CTNNA2: variants seen among roughly 807,000 people sequenced by gnomAD.
CTNNA2 encodes catenin alpha 2, also known as catenin alpha-2.
In CTNNA2, 42 loss-of-function variants were observed where a neutral mutation model predicts 101.0. The ratio of observed to expected loss-of-function variants is 0.42; its 90% CI spans 0.32 to 0.54. The LOEUF (loss-of-function observed/expected upper bound fraction) is 0.54, where lower values mean the gene tolerates loss of function less well. Ranked by LOEUF, CTNNA2 falls within the 20% of genes least tolerant of loss-of-function variation. The pLI, the probability that CTNNA2 is intolerant of heterozygous loss-of-function variation, is 0.14. For missense variants in CTNNA2, 871 were observed against 1,223.1 expected, an observed-to-expected ratio of 0.71 and a Z score of 4.29; for synonymous variants, 450 against 456.4, an observed-to-expected ratio of 0.99 and a Z score of 0.18.
At chr2:80,646,113 G>A (rs1674062161) in intron 18 of CTNNA2, among the ~76,000 whole-genome samples, 1 of 152,086 alleles carries the variant, frequency 6.6e-6, no homozygotes, top group Admixed American at 6.6e-5. Context: ...TTGTTAATAA[G>A]AAATGATACG....
rs539064758 is a variant in CTNNA2 at position 79,707,530 on chromosome 2, T to C, written c.103-36857T>C. 1.2e-4 allele frequency among the ~76,000 whole-genome samples: 18 copies of C among 152,358 alleles called. No individual in the cohort carries two copies. The South Asian group carries it at 3.7e-3, about 32-fold the overall frequency. On this transcript the variant is annotated intron_variant, in intron 2 of 18. Coordinates refer to ENST00000402739, the MANE Select transcript of CTNNA2 (RefSeq NM_001282597.3). ...CTGTGTATTTCCTGCATTGGCATACTTTTTACTTTAACTAAGCCCTTTATT... is the reference window on the plus strand; with the variant it reads ...CTGTGTATTTCCTGCATTGGCATACCTTTTACTTTAACTAAGCCCTTTATT...
At chr2:80,064,599 C>A (rs76472910) in intron 7 of CTNNA2, among the ~76,000 whole-genome samples, 18 of 152,124 alleles carry the variant, frequency 1.2e-4, no homozygotes, top group Admixed American at 9.8e-4. Flanking sequence ...TTGGCCTAGT[C>A]GCATGACTGG....
At chr2:79,366,293 T>C (rs1394166049) in intron 3 of CTNNA2, among the ~76,000 whole-genome samples, 1 of 152,188 alleles carries the variant, frequency 6.6e-6, no homozygotes, top group Non-Finnish European at 1.5e-5. Context: ...CATTCAGAAT[T>C]AAATTAATTC....
chr2:79,303,023 T>A (rs1676148952), intron 2 of CTNNA2, among the ~76,000 whole-genome samples: 1 of 152,212 alleles, frequency 6.6e-6, no homozygotes, highest in Non-Finnish European at 1.5e-5. Flanking sequence ...TAGGACCAAA[T>A]GAATCTGTGC....
chr2:79,906,321 C>T (rs1218870906), intron 6 of CTNNA2, among the ~76,000 whole-genome samples: 2 of 152,074 alleles, frequency 1.3e-5, no homozygotes, highest in African/African-American at 4.8e-5. Context: ...CAGACACACA[C>T]CCACATGCAA....
intron 7 of CTNNA2, among the ~76,000 whole-genome samples, chr2:80,120,767 C>T (rs1293875463): frequency 1.3e-5 from 2 of 152,112 alleles, no homozygotes; most frequent in Non-Finnish European, 2.9e-5. Flanking sequence ...CTGAGGTGCT[C>T]TTAAGGGCGT....
At chr2:79,721,178 G>A (rs565212837) in intron 2 of CTNNA2, among the ~76,000 whole-genome samples, 54 of 152,076 alleles carry the variant, frequency 3.6e-4, no homozygotes, top group African/African-American at 1.3e-3. Flanking sequence ...CTTCTGCTCT[G>A]CATATGTCTT....
At chr2:80,628,976 T>G (rs1671983794) in intron 18 of CTNNA2, among the ~76,000 whole-genome samples, 1 of 152,172 alleles carries the variant, frequency 6.6e-6, no homozygotes, top group African/African-American at 2.4e-5. Flanking sequence ...CTCACCTCTC[T>G]GAGCCCCATT....
chr2:80,043,206 C>CTT (rs386390578), intron 7 of CTNNA2, among the ~76,000 whole-genome samples: 13,467 of 91,726 alleles, frequency 0.15, 2,281 homozygotes, highest in Middle Eastern at 0.2. Flanking sequence ...TTCTCTCTCT[C>CTT]TTTTTTTTTT....
At chr2:80,473,740 A>G (rs535083542) in intron 9 of CTNNA2, among the ~76,000 whole-genome samples, 22 of 152,216 alleles carry the variant, frequency 1.4e-4, no homozygotes, top group Non-Finnish European at 3.1e-4. Context: ...GTGCTTGTAC[A>G]TCCTGAGTGA....
At chr2:79,411,247 A>G (rs1212918934) in intron 4 of CTNNA2, among the ~76,000 whole-genome samples, 1 of 151,768 alleles carries the variant, frequency 6.6e-6, no homozygotes, top group Admixed American at 6.6e-5. Context: ...CTTTCAAAAA[A>G]CCAGCTCCTG....
intron 3 of CTNNA2, among the ~76,000 whole-genome samples, chr2:79,761,242 A>G (rs759449989): frequency 5.3e-5 from 8 of 152,068 alleles, no homozygotes; most frequent in Non-Finnish European, 1.0e-4. Context: ...ATTTTTTGCC[A>G]TTTCAGTGCG....
chr2:79,721,866 T>C (rs1686511542), intron 2 of CTNNA2, among the ~76,000 whole-genome samples: 1 of 152,206 alleles, frequency 6.6e-6, no homozygotes. Context: ...AATAGCAATG[T>C]TTTTGAAAAT....
intron 7 of CTNNA2, among the ~76,000 whole-genome samples, chr2:80,231,555 A>G (rs1709211770): frequency 6.6e-6 from 1 of 152,182 alleles, no homozygotes; most frequent in South Asian, 2.1e-4. Flanking sequence ...TATTTTAGGC[A>G]ATGATGGGAA....
intron 9 of CTNNA2, among the ~76,000 whole-genome samples, chr2:80,436,635 C>A (rs557205132): frequency 6.6e-6 from 1 of 152,122 alleles, no homozygotes; most frequent in Non-Finnish European, 1.5e-5. Flanking sequence ...ACTTATTGCT[C>A]ACAGTTCCAG....
At position 79,841,059 on chromosome 2, in the gene CTNNA2, G is replaced by A. The variant is rs572065540; in HGVS notation, c.299-16954G>A. Reference sequence around the variant, plus strand: ...GCTGGGATTACAGGCGTGAGCCACCGCGCCCTGCCGAGACTCCCTCTCTTA... The same window carrying A: ...GCTGGGATTACAGGCGTGAGCCACCACGCCCTGCCGAGACTCCCTCTCTTA... On this transcript the variant is annotated intron_variant, in intron 3 of 18. Coordinates refer to ENST00000402739, the MANE Select transcript of CTNNA2 (RefSeq NM_001282597.3). Among the ~76,000 whole-genome samples, 681 of 152,224 alleles carry A rather than the reference G, an allele frequency of 4.5e-3. 6 individuals are homozygous for A. Among genetic ancestry groups the A allele is most frequent in the Non-Finnish European group, 5.6e-3 (381 of 68,004 alleles).
At chr2:79,495,139 AC>A (rs1187144219) in intron 4 of CTNNA2, among the ~76,000 whole-genome samples, 4 of 152,220 alleles carry the variant, frequency 2.6e-5, no homozygotes, top group Admixed American at 1.3e-4. Context: ...AAACAAAAAA[AC>A]AACAACTTTT....
At chr2:79,354,730 C>T (rs1383707725) in intron 3 of CTNNA2, among the ~76,000 whole-genome samples, 1 of 152,096 alleles carries the variant, frequency 6.6e-6, no homozygotes, top group Non-Finnish European at 1.5e-5. Flanking sequence ...CCCAGAAGTC[C>T]ACTGTGAGAG....
At chr2:80,211,317 C>T (rs1003334099) in intron 7 of CTNNA2, among the ~76,000 whole-genome samples, 2 of 152,160 alleles carry the variant, frequency 1.3e-5, no homozygotes, top group African/African-American at 4.8e-5. Flanking sequence ...ATGGTATTGC[C>T]TAGGTTTTCT....
Sources: gnomAD v4.1 joint callset for allele counts (sites outside exome capture counted in the v4.1 genomes callset) on GRCh38, gnomAD v4.1.1 for gene constraint, MANE v1.5 for transcripts, NCBI Gene and HGNC (gene_info 2026-07-23, HGNC 2026-07-21) for gene names.